UNC5D: variants seen among roughly 807,000 people sequenced by gnomAD.
UNC5D encodes the protein netrin receptor UNC5D.
In UNC5D, 39 loss-of-function variants were observed where a neutral mutation model predicts 105.4. The ratio of observed to expected loss-of-function variants is 0.37; its 90% CI spans 0.29 to 0.48. The LOEUF (loss-of-function observed/expected upper bound fraction) is 0.48. Ranked by LOEUF, UNC5D falls within the 20% of genes least tolerant of loss-of-function variation. The pLI, the probability that UNC5D is intolerant of heterozygous loss-of-function variation, is 0.98. For missense variants in UNC5D, 991 were observed against 1,202.4 expected (o/e 0.82, Z 2.60); for synonymous variants, 452 against 450.4 (o/e 1.00, Z -0.04).
At position 35,722,150 on chromosome 8, in the gene UNC5D, G is replaced by A. The variant is rs114905763; in HGVS notation, c.1118-60G>A. 1.1e-3 allele frequency: 1,763 copies of A among 1,569,474 alleles called. 19 individuals carry two copies. The African/African-American group carries it at 0.021, about 19-fold the overall frequency. On this transcript the variant is annotated intron_variant, in intron 8 of 16. Coordinates refer to ENST00000404895, the MANE Select transcript of UNC5D (RefSeq NM_080872.4). The stretch of plus-strand genomic sequence containing the variant: ...CAATAGCATTTCCTTTTGTATTCCC[G>A]AGTGGTTCTTTGACTTTGTGCCCAT...
At chr8:35,300,618 C>G (rs1216867065) in intron 1 of UNC5D, among the ~76,000 whole-genome samples, 3 of 151,538 alleles carry the variant, frequency 2.0e-5, no homozygotes, top group Admixed American at 2.0e-4. Flanking sequence ...AGAAGAAAAA[C>G]TAACCTAAGT....
At chr8:35,528,326 T>A (rs923515468) in intron 1 of UNC5D, among the ~76,000 whole-genome samples, 1 of 151,700 alleles carries the variant, frequency 6.6e-6, no homozygotes, top group African/African-American at 2.4e-5. Context: ...GATAGTTTAC[T>A]GAGAATGATG....
chr8:35,355,079 T>G (rs1357823064), intron 1 of UNC5D, among the ~76,000 whole-genome samples: 1 of 152,146 alleles, frequency 6.6e-6, no homozygotes, highest in African/African-American at 2.4e-5. Context: ...GCAGTCCCTT[T>G]CTCCATATTC....
chr8:35,790,741 G>A lies in UNC5D; in HGVS notation c.*178G>A. 1 of 651,912 alleles carries A rather than the reference G, an allele frequency of 1.5e-6. No individual in the cohort carries two copies. The highest frequency in any genetic ancestry group is 2.6e-6 in the Non-Finnish European group (1 of 382,178). 40.4% of individuals were successfully genotyped at this position (651,912 alleles called of 1,614,324 possible). A position where few individuals can be genotyped will look rare whatever the true frequency, so the allele number is the denominator to read the frequency against. ...AGGTAAAACATGTTAATAGGGAAGA[G>A]TACAAGCTCTCTTACATATAAGAGG... is the stretch of plus-strand genomic sequence containing the variant. On this transcript the variant is annotated 3_prime_UTR_variant, in exon 17 of 17. Transcript: ENST00000404895.
At chr8:35,586,407 C>A (rs1048292917) in intron 3 of UNC5D, among the ~76,000 whole-genome samples, 5 of 151,914 alleles carry the variant, frequency 3.3e-5, no homozygotes, top group African/African-American at 1.2e-4. Flanking sequence ...AACAGAAAGC[C>A]TTTTATGTGC....
chr8:35,780,785 T>TG (rs1398705724), intron 16 of UNC5D, among the ~76,000 whole-genome samples: 1 of 152,184 alleles, frequency 6.6e-6, no homozygotes, highest in African/African-American at 2.4e-5. Context: ...ATAATGGGTG[T>TG]GAGGCTGCCA....
rs190367669 is a variant in UNC5D, at chr8:35,574,952, A to G, written c.466+6711A>G. Among the ~76,000 whole-genome samples, 460 of 152,140 alleles carry G rather than the reference A, an allele frequency of 3.0e-3. 3 individuals carry two copies. The highest frequency in any genetic ancestry group is 4.6e-3 in the Non-Finnish European group (313 of 67,974). On this transcript the variant is annotated intron_variant, in intron 3 of 16. Transcript: ENST00000404895. The stretch of plus-strand genomic sequence containing the variant: ...TCCCTAAATCCAAGGGCCATCTTGC[A>G]TGCTGTTTCCTTCACAAAACCTAGT...
At chr8:35,280,776 T>G (rs187398469) in intron 1 of UNC5D, among the ~76,000 whole-genome samples, 2 of 152,076 alleles carry the variant, frequency 1.3e-5, no homozygotes, top group African/African-American at 4.8e-5. Context: ...CCTGAAAGAG[T>G]GTATTTCAGT....
chr8:35,755,120 A>G (rs1459013317), intron 13 of UNC5D, among the ~76,000 whole-genome samples: 1 of 152,164 alleles, frequency 6.6e-6, no homozygotes, highest in Non-Finnish European at 1.5e-5. Flanking sequence ...TGAAGTAGTA[A>G]CATTTTAAGA....
chr8:35,363,743 C>T (rs1801967394), intron 1 of UNC5D, among the ~76,000 whole-genome samples: 1 of 151,972 alleles, frequency 6.6e-6, no homozygotes, highest in Admixed American at 6.6e-5. Flanking sequence ...ACAATTTTCC[C>T]TTTGTAATTA....
intron 1 of UNC5D, among the ~76,000 whole-genome samples, chr8:35,508,806 G>A (rs1007245975): frequency 6.6e-6 from 1 of 152,172 alleles, no homozygotes; most frequent in Non-Finnish European, 1.5e-5. Flanking sequence ...GAGAGCACTG[G>A]AAAATAAAGA....
chr8:35,339,636 T>C (rs1017341429), intron 1 of UNC5D, among the ~76,000 whole-genome samples: 4 of 152,204 alleles, frequency 2.6e-5, no homozygotes, highest in African/African-American at 9.6e-5. Context: ...GCATGGATAG[T>C]GTGTCGGAGT....
At chr8:35,438,478 C>T (rs115003341) in intron 1 of UNC5D, among the ~76,000 whole-genome samples, 1 of 151,926 alleles carries the variant, frequency 6.6e-6, no homozygotes, top group East Asian at 1.9e-4. Flanking sequence ...CATGCTGGGA[C>T]AACCAGCTTA....
intron 1 of UNC5D, among the ~76,000 whole-genome samples, chr8:35,284,728 A>AT (rs952896964): frequency 4.0e-5 from 6 of 151,374 alleles, no homozygotes; most frequent in East Asian, 1.9e-4. Context: ...CTAATTTTTT[A>AT]TTTTTTTGTA....
intron 1 of UNC5D, among the ~76,000 whole-genome samples, chr8:35,375,884 T>G (rs1022547485): frequency 6.6e-6 from 1 of 152,162 alleles, no homozygotes; most frequent in African/African-American, 2.4e-5. Flanking sequence ...ATTTTTAGAT[T>G]TTTAATATAA....
chr8:35,335,060 T>G (rs544483714), intron 1 of UNC5D, among the ~76,000 whole-genome samples: 32 of 152,334 alleles, frequency 2.1e-4, no homozygotes, highest in African/African-American at 7.7e-4. Context: ...GCTCTTCTTT[T>G]TGTCAAAATT....
At chr8:35,698,486 A>G (rs986975049) in intron 7 of UNC5D, among the ~76,000 whole-genome samples, 1 of 151,058 alleles carries the variant, frequency 6.6e-6, no homozygotes, top group Non-Finnish European at 1.5e-5. Context: ...GTATCTTTAG[A>G]TTCCTCATAT....
chr8:35,367,161 G>A (rs185955032), intron 1 of UNC5D, among the ~76,000 whole-genome samples: 35 of 152,226 alleles, frequency 2.3e-4, no homozygotes, highest in Admixed American at 1.8e-3. Context: ...ACTTGATCAT[G>A]GGGTACTTTT....
At position 35,423,398 on chromosome 8, in the gene UNC5D, GTCAGCTGCTCCTACCTCAGGT is replaced by G. The variant is rs917603339; in HGVS notation, c.104-125892_104-125872del. Reference sequence around the variant, plus strand: ...GAAATGTCCTCCTCCTTCCTGCCAAGTCAGCTGCTCCTACCTCAGGTTATAATAGATTGTCTTTTACACACA... The same window carrying G: ...GAAATGTCCTCCTCCTTCCTGCCAAGTATAATAGATTGTCTTTTACACACA... On this transcript the variant is annotated intron_variant, in intron 1 of 16. Coordinates refer to ENST00000404895, the MANE Select transcript of UNC5D (RefSeq NM_080872.4). Among the ~76,000 whole-genome samples the G allele has an allele frequency of 5.9e-5, 9 of 152,232 alleles. 1 individual carries two copies. The highest frequency in any genetic ancestry group is 2.2e-4 in the African/African-American group (9 of 41,552).
Sources: gnomAD v4.1 joint callset for allele counts (sites outside exome capture counted in the v4.1 genomes callset) on GRCh38, gnomAD v4.1.1 for gene constraint, MANE v1.5 for transcripts, NCBI Gene and HGNC (gene_info 2026-07-23, HGNC 2026-07-21) for gene names.